Variants in SHB observed in about 807,000 individuals in gnomAD.
The protein encoded by SHB is SH2 domain containing adaptor protein B.
SHB carries 20 observed loss-of-function variants against 52.3 expected under a neutral mutation model. The ratio of observed to expected loss-of-function variants is 0.38; its 90% CI spans 0.27 to 0.56. The LOEUF (loss-of-function observed/expected upper bound fraction) is 0.56, where lower values mean the gene tolerates loss of function less well. Ranked by LOEUF, SHB falls within the 20% of genes least tolerant of loss-of-function variation. SHB has a pLI of 0.71. For missense variants in SHB, 825 were observed against 723.3 expected (o/e 1.14, Z -1.61); for synonymous variants, 397 against 316.5 (o/e 1.25, Z -2.70).
chr9:37,942,687 A>C (rs1832447969), intron 5 of SHB, among the ~76,000 whole-genome samples: 1 of 152,256 alleles, frequency 6.6e-6, no homozygotes, highest in South Asian at 2.1e-4. Flanking sequence ...TACCTTGCCC[A>C]GCATCAGGTG....
chr9:37,996,063 T>G (rs1017887400), intron 2 of SHB, among the ~76,000 whole-genome samples: 6 of 152,160 alleles, frequency 3.9e-5, no homozygotes, highest in Non-Finnish European at 7.4e-5. Context: ...TTGTAGAGAT[T>G]TTTCTATGTG....
At chr9:38,063,898 T>G (rs977610639) in intron 1 of SHB, among the ~76,000 whole-genome samples, 6 of 151,820 alleles carry the variant, frequency 4.0e-5, no homozygotes, top group Non-Finnish European at 8.8e-5. Context: ...AAATATAAAG[T>G]GTTGGTACAC....
At position 37,975,031 on chromosome 9, in the gene SHB, G is replaced by A. The variant is rs894977514; in HGVS notation, c.839-194C>T. On this transcript the variant is annotated intron_variant, in intron 2 of 5. Coordinates refer to ENST00000377707, the MANE Select transcript of SHB (RefSeq NM_003028.3). ...TCTCTGCTCTTCCTGGGCCAGGCTT[G>A]CTCACAAGGCTCACATGCTCGCAGG... Among the ~76,000 whole-genome samples the A allele has an allele frequency of 2.6e-5, 4 of 152,234 alleles. No homozygotes were observed. In the East Asian group the frequency reaches 7.7e-4, roughly 29 times the overall value.
In SHB at chr9:38,059,726, C is replaced by T. The variant is rs1344185564; in HGVS notation, c.717+8203G>A. The stretch of plus-strand genomic sequence containing the variant: ...TTCCTGTAGACTCCAGATTCGGCCA[C>T]GCCACCTCCACACCACCCCGGCACA... On this transcript the variant is annotated intron_variant, in intron 1 of 5. Transcript: ENST00000377707. Among the ~76,000 whole-genome samples, 12 of 152,252 alleles carry T rather than the reference C, an allele frequency of 7.9e-5. No homozygotes were observed. The East Asian group carries it at 1.5e-3, about 20-fold the overall frequency.
At chr9:38,042,532 A>G (rs57955988) in intron 1 of SHB, among the ~76,000 whole-genome samples, 19,983 of 152,164 alleles carry the variant, frequency 0.13, 2,786 homozygotes, top group African/African-American at 0.35. Context: ...AGCTCAAAGC[A>G]AGCTGGAAAG....
intron 1 of SHB, among the ~76,000 whole-genome samples, chr9:38,038,737 G>A (rs559818352): frequency 2.0e-5 from 3 of 152,242 alleles, no homozygotes; most frequent in South Asian, 2.1e-4. Flanking sequence ...AGCCAGCCCC[G>A]CTTCCCAGGC....
chr9:38,030,176 G>C (rs1821396372), intron 1 of SHB, among the ~76,000 whole-genome samples: 1 of 152,222 alleles, frequency 6.6e-6, no homozygotes, highest in South Asian at 2.1e-4. Context: ...GCTGCTCCCA[G>C]TCAGAGAGCA....
At chr9:37,985,517 G>A (rs978024576) in intron 2 of SHB, among the ~76,000 whole-genome samples, 3 of 152,248 alleles carry the variant, frequency 2.0e-5, no homozygotes, top group Non-Finnish European at 4.4e-5. Flanking sequence ...GCAGGCCTGC[G>A]TTCTGGCGCC....
At chr9:37,923,769 G>A (rs973389726) in intron 5 of SHB, among the ~76,000 whole-genome samples, 5 of 152,168 alleles carry the variant, frequency 3.3e-5, no homozygotes, top group African/African-American at 1.2e-4. Context: ...GCTGCAAGCA[G>A]CCTGGGGGTC....
At chr9:37,981,245 G>A (rs991990983) in intron 2 of SHB, among the ~76,000 whole-genome samples, 1 of 152,212 alleles carries the variant, frequency 6.6e-6, no homozygotes, top group African/African-American at 2.4e-5. Context: ...CACCTTCATC[G>A]ATGACCTCAG....
At chr9:37,976,024 T>C (rs1820649023) in intron 2 of SHB, among the ~76,000 whole-genome samples, 1 of 152,174 alleles carries the variant, frequency 6.6e-6, no homozygotes, top group African/African-American at 2.4e-5. Context: ...ATAATAACAT[T>C]GAGCACTTTT....
intron 3 of SHB, among the ~76,000 whole-genome samples, chr9:37,967,858 G>A (rs906479409): frequency 6.6e-6 from 1 of 152,218 alleles, no homozygotes; most frequent in Non-Finnish European, 1.5e-5. Flanking sequence ...TAGGGAAGGC[G>A]CGGATCGGAG....
At chr9:38,012,919 C>T (rs750173908) in intron 2 of SHB, among the ~76,000 whole-genome samples, 5 of 151,714 alleles carry the variant, frequency 3.3e-5, no homozygotes, top group Non-Finnish European at 5.9e-5. Flanking sequence ...GCACCACTCT[C>T]TCTTCCCCCA....
At chr9:38,036,794 G>A (rs927329974) in intron 1 of SHB, among the ~76,000 whole-genome samples, 3 of 152,214 alleles carry the variant, frequency 2.0e-5, no homozygotes, top group African/African-American at 7.2e-5. Context: ...ACTATGCTCA[G>A]TTCTTTTAAT....
chr9:37,992,222 G>A (rs758411748), intron 2 of SHB, among the ~76,000 whole-genome samples: 1 of 152,044 alleles, frequency 6.6e-6, no homozygotes, highest in Non-Finnish European at 1.5e-5. Flanking sequence ...CCAACATGGT[G>A]AAACCCCGTC....
chr9:38,068,040 GCC>G lies in SHB; in HGVS notation c.604_605del (p.Gly202ArgfsTer43). The G allele has an allele frequency of 6.6e-7, 1 of 1,505,588 alleles. No individual in the cohort carries two copies. The highest frequency in any genetic ancestry group is 8.8e-7 in the Non-Finnish European group (1 of 1,135,212). 93.3% of individuals were successfully genotyped at this position (1,505,588 alleles called of 1,614,324 possible). A position where few individuals can be genotyped will look rare whatever the true frequency, so the allele number is the denominator to read the frequency against. ...TCCAGGTGCGGCCGCCCGCGCAGGC[GCC>G]CCCCAGGGGGTCCCCGGCCCCACCG... ...AGGGAGDPLG[G>X]ACAGGRTWSP... On this transcript the variant is annotated frameshift_variant, in exon 1 of 6. Coordinates refer to ENST00000377707, the MANE Select transcript of SHB (RefSeq NM_003028.3). LOFTEE classifies it high-confidence loss of function.
rs1832139637 is a variant in SHB, at chr9:37,918,966, C to A, written c.*855G>T. Among the ~76,000 whole-genome samples, 1 of 152,168 alleles carries A rather than the reference C, an allele frequency of 6.6e-6. No homozygotes were observed. The highest frequency in any genetic ancestry group is 1.5e-5 in the Non-Finnish European group (1 of 68,028). On this transcript the variant is annotated 3_prime_UTR_variant, in exon 6 of 6. Coordinates refer to ENST00000377707, the MANE Select transcript of SHB (RefSeq NM_003028.3). ...AGCCCAGTTGTCAGAGCAGACGGCT[C>A]TTGTGTCCAGAGCTGCTGAGGGCTG...
At chr9:38,011,021 C>G (rs1285988783) in intron 2 of SHB, among the ~76,000 whole-genome samples, 4 of 152,238 alleles carry the variant, frequency 2.6e-5, no homozygotes, top group African/African-American at 9.6e-5. Context: ...ATCAGGATCA[C>G]AGGCCCTATT....
intron 5 of SHB, among the ~76,000 whole-genome samples, chr9:37,928,844 C>T (rs1018735705): frequency 3.3e-5 from 5 of 152,242 alleles, no homozygotes; most frequent in Admixed American, 3.3e-4. Context: ...AAGGACAGGA[C>T]CCCCTAGTCC....
Sources: allele counts gnomAD v4.1 joint callset (sites outside exome capture counted in the v4.1 genomes callset), GRCh38; gene constraint gnomAD v4.1.1; transcripts MANE v1.5; gene names NCBI Gene and HGNC (gene_info 2026-07-23, HGNC 2026-07-21).